Variants in PIK3C2G observed in about 807,000 individuals in gnomAD.
The protein encoded by PIK3C2G is phosphatidylinositol 3-kinase C2 domain-containing subunit gamma.
A neutral mutation model predicts 181.1 loss-of-function variants in PIK3C2G; 168 were observed. The ratio of observed to expected loss-of-function variants is 0.93; its 90% CI spans 0.82 to 1.05. The LOEUF is 1.05. Among genes scored for constraint, PIK3C2G ranks in the 50% least tolerant of loss-of-function variants. PIK3C2G has a pLI of 0.00. For synonymous variants in PIK3C2G, 573 were observed against 592.2 expected, an observed-to-expected ratio of 0.97 and a Z score of 0.47; for missense variants, 1,869 against 1,732.8, an observed-to-expected ratio of 1.08 and a Z score of -1.40.
chr12:18,411,830 T>C (rs1565692645), intron 16 of PIK3C2G, among the ~76,000 whole-genome samples: 1 of 152,206 alleles, frequency 6.6e-6, no homozygotes, highest in East Asian at 1.9e-4. Flanking sequence ...TTTAAAAGGT[T>C]GACATTTGTT....
At chr12:18,507,980 A>C (rs1185074282) in intron 24 of PIK3C2G, among the ~76,000 whole-genome samples, 2 of 152,190 alleles carry the variant, frequency 1.3e-5, no homozygotes, top group African/African-American at 4.8e-5. Context: ...ATCATAGGTC[A>C]ATTAAAAATG....
At chr12:18,692,711 G>T in the PIK3C2G span, 1 of 783,716 alleles carries the variant, frequency 1.3e-6, no homozygotes, top group South Asian at 1.6e-5. Flanking sequence ...TACAGACTTT[G>T]AATCATCAAC....
the PIK3C2G span, among the ~76,000 whole-genome samples, chr12:18,704,480 G>A: frequency 2.6e-5 from 4 of 151,930 alleles, no homozygotes; most frequent in African/African-American, 9.7e-5. Flanking sequence ...TGGATGCCAC[G>A]ACACCCAGCT....
intron 16 of PIK3C2G, among the ~76,000 whole-genome samples, chr12:18,411,435 A>C: frequency 6.6e-6 from 1 of 152,112 alleles, no homozygotes; most frequent in East Asian, 1.9e-4. Context: ...TAACCATATA[A>C]AAATCCTTGA....
At chr12:18,623,480 G>T (rs1482793441) in intron 31 of PIK3C2G, among the ~76,000 whole-genome samples, 2 of 151,562 alleles carry the variant, frequency 1.3e-5, no homozygotes, top group Non-Finnish European at 3.0e-5. Context: ...GATGCCTCAG[G>T]GTTTGTTCTT....
At chr12:18,375,221 A>T in intron 13 of PIK3C2G, among the ~76,000 whole-genome samples, 1 of 152,218 alleles carries the variant, frequency 6.6e-6, no homozygotes, top group East Asian at 1.9e-4. Flanking sequence ...CAAAATGCTG[A>T]TAGTGATATA....
chr12:18,654,605 GA>G, the PIK3C2G span, among the ~76,000 whole-genome samples: 2 of 152,148 alleles, frequency 1.3e-5, no homozygotes, highest in African/African-American at 4.8e-5. Context: ...AAAATATTTG[GA>G]AAATTTGTGG....
chr12:18,532,560 C>T (rs1403430111), intron 24 of PIK3C2G, among the ~76,000 whole-genome samples: 2 of 151,720 alleles, frequency 1.3e-5, no homozygotes, highest in African/African-American at 2.4e-5. Flanking sequence ...CCAGTATCAT[C>T]GGTTCAAGAG....
intron 11 of PIK3C2G, among the ~76,000 whole-genome samples, chr12:18,349,543 TTAGAA>T (rs1940010383): frequency 6.6e-6 from 1 of 152,202 alleles, no homozygotes; most frequent in Admixed American, 6.5e-5. Flanking sequence ...TGTATCTTAC[TTAGAA>T]TAATTTGATT....
At chr12:18,571,772 C>A (rs998341421) in intron 29 of PIK3C2G, among the ~76,000 whole-genome samples, 4 of 150,678 alleles carry the variant, frequency 2.7e-5, no homozygotes, top group Admixed American at 1.3e-4. Context: ...AAGCAACACA[C>A]AGATGGGTTT....
At chr12:18,364,403 T>C (rs1941489688) in intron 12 of PIK3C2G, among the ~76,000 whole-genome samples, 2 of 152,198 alleles carry the variant, frequency 1.3e-5, no homozygotes, top group Admixed American at 1.3e-4. Context: ...CATCTTTTCT[T>C]CCCTTGCTTG....
intron 31 of PIK3C2G, among the ~76,000 whole-genome samples, chr12:18,624,073 G>A (rs76325218): frequency 0.019 from 2,955 of 151,652 alleles, 79 homozygotes; most frequent in African/African-American, 0.067. Context: ...GTGCTATATT[G>A]AATAGAAGTG....
intron 6 of PIK3C2G, among the ~76,000 whole-genome samples, chr12:18,314,806 G>A (rs1173315402): frequency 3.9e-5 from 6 of 152,134 alleles, no homozygotes; most frequent in African/African-American, 1.4e-4. Flanking sequence ...ATGTAAAGGG[G>A]AATCACTGAA....
At chr12:18,496,960 G>A (rs1458155560) in intron 21 of PIK3C2G, among the ~76,000 whole-genome samples, 3 of 152,084 alleles carry the variant, frequency 2.0e-5, no homozygotes, top group African/African-American at 7.2e-5. Flanking sequence ...TTTAGAAAGT[G>A]TTTTCAAAAC....
chr12:18,299,277 T>C (rs546573058), intron 5 of PIK3C2G, among the ~76,000 whole-genome samples: 15 of 152,118 alleles, frequency 9.9e-5, no homozygotes, highest in African/African-American at 3.4e-4. Flanking sequence ...AGTTTACTCC[T>C]AGGGTTTTTC....
At chr12:18,377,467 C>T (rs60445036) in intron 13 of PIK3C2G, among the ~76,000 whole-genome samples, 23,687 of 152,068 alleles carry the variant, frequency 0.16, 2,413 homozygotes, top group Admixed American at 0.28. Context: ...GGATGTGTTG[C>T]GTTACAAGAA....
rs371994430 is a variant in PIK3C2G, at chr12:18,594,542, G to C, written c.4060G>C (p.Val1354Leu). ...FFLSEAVQQT[V>L]EESSPVYLGE... is the part of the protein sequence containing the mutation. ...CCTCTCTGAGGCTGTGCAACAAACA[G>C]TTGAAGAATCATCACCTGTGTACCT... Residue 1354 changes from valine (V) to leucine (L), a missense_variant, in exon 30 of 33, where the codon GTT becomes CTT. Val to Leu is a conservative substitution (Grantham distance 32). Transcript: ENST00000538779. 7 of 1,551,150 alleles carry C rather than the reference G, an allele frequency of 4.5e-6. No individual in the cohort carries two copies. In the African/African-American group the frequency reaches 8.5e-5, roughly 19 times the overall value.
chr12:18,386,603 A>G (rs1371768963), intron 14 of PIK3C2G, among the ~76,000 whole-genome samples: 2 of 152,200 alleles, frequency 1.3e-5, no homozygotes, highest in Non-Finnish European at 2.9e-5. Flanking sequence ...TCCAGGTGGT[A>G]GCCCCGATTG....
At chr12:18,503,948 T>G (rs574340017) in intron 23 of PIK3C2G, among the ~76,000 whole-genome samples, 1 of 152,222 alleles carries the variant, frequency 6.6e-6, no homozygotes, top group Non-Finnish European at 1.5e-5. Flanking sequence ...GGTTCTGCCC[T>G]GTATTAGGGA....
Sources: allele counts gnomAD v4.1 joint callset (sites outside exome capture counted in the v4.1 genomes callset), GRCh38; gene constraint gnomAD v4.1.1; transcripts MANE v1.5; gene names NCBI Gene and HGNC (gene_info 2026-07-23, HGNC 2026-07-21).